GULP1: variants seen among roughly 807,000 people sequenced by gnomAD.
GULP1 encodes GULP PTB domain containing engulfment adaptor 1, also known as PTB domain-containing engulfment adapter protein 1.
A neutral mutation model predicts 40.9 loss-of-function variants in GULP1; 19 were observed. The observed-to-expected ratio is 0.46, with a 90% confidence interval of 0.32 to 0.68. GULP1 has a LOEUF of 0.68. Among genes scored for constraint, GULP1 ranks in the 30% least tolerant of loss-of-function variants. The probability of loss-of-function intolerance (pLI) is 0.03; values close to 1 mark genes in which losing one functional copy is unlikely to be tolerated. For missense variants in GULP1, 312 were observed against 362.2 expected (o/e 0.86, Z 1.12); for synonymous variants, 119 against 117.6 (o/e 1.01, Z -0.08).
At chr2:188,402,238 TG>T (rs1391065365) in intron 2 of GULP1, among the ~76,000 whole-genome samples, 1 of 152,148 alleles carries the variant, frequency 6.6e-6, no homozygotes, top group Non-Finnish European at 1.5e-5. Context: ...GAAAATCATT[TG>T]ATACTTATGT....
intron 1 of GULP1, among the ~76,000 whole-genome samples, chr2:188,376,595 G>A (rs1166041426): frequency 6.6e-6 from 1 of 151,950 alleles, no homozygotes; most frequent in African/African-American, 2.4e-5. Flanking sequence ...ACACCAAAAG[G>A]AAAATAAAAG....
chr2:188,352,563 CTT>C (rs1312964322), intron 1 of GULP1, among the ~76,000 whole-genome samples: 1 of 151,368 alleles, frequency 6.6e-6, no homozygotes, highest in African/African-American at 2.4e-5. Context: ...TTCTCTCTCT[CTT>C]TTTCTCTTTT....
chr2:188,507,947 C>G (rs994986247), intron 4 of GULP1, among the ~76,000 whole-genome samples: 12 of 151,732 alleles, frequency 7.9e-5, no homozygotes, highest in Non-Finnish European at 1.3e-4. Flanking sequence ...TGATATGCTG[C>G]AATATAGTTC....
At chr2:188,411,120 G>A (rs1215314953) in intron 2 of GULP1, among the ~76,000 whole-genome samples, 3 of 152,136 alleles carry the variant, frequency 2.0e-5, no homozygotes, top group Non-Finnish European at 4.4e-5. Context: ...TTCACTGGCT[G>A]ATCGGGGCAT....
At chr2:188,324,577 T>C (rs952684797) in intron 1 of GULP1, among the ~76,000 whole-genome samples, 12 of 151,954 alleles carry the variant, frequency 7.9e-5, no homozygotes, top group African/African-American at 2.9e-4. Context: ...ATTTAAACAA[T>C]TTAAATTGGT....
chr2:188,456,411 C>T (rs2059269633), intron 2 of GULP1, among the ~76,000 whole-genome samples: 1 of 152,126 alleles, frequency 6.6e-6, no homozygotes, highest in Non-Finnish European at 1.5e-5. Flanking sequence ...AGCCGCTCCG[C>T]CATCGCTGAA....
chr2:188,365,977 A>G (rs1173950394), intron 1 of GULP1, among the ~76,000 whole-genome samples: 3 of 152,208 alleles, frequency 2.0e-5, no homozygotes, highest in East Asian at 1.9e-4. Context: ...CCAGGGCCAG[A>G]TAAAATGATG....
intron 2 of GULP1, among the ~76,000 whole-genome samples, chr2:188,436,340 T>C (rs879750770): frequency 4.6e-5 from 7 of 152,076 alleles, no homozygotes; most frequent in Non-Finnish European, 8.8e-5. Context: ...TTTTGTATAT[T>C]AACACAATTT....
At chr2:188,311,236 G>C (rs2038044833) in intron 1 of GULP1, among the ~76,000 whole-genome samples, 1 of 151,550 alleles carries the variant, frequency 6.6e-6, no homozygotes, top group African/African-American at 2.4e-5. Context: ...TCGCTCTGTT[G>C]CACAGGCTGC....
chr2:188,405,438 A>T (rs1575046680), intron 2 of GULP1, among the ~76,000 whole-genome samples: 1 of 151,776 alleles, frequency 6.6e-6, no homozygotes, highest in Non-Finnish European at 1.5e-5. Context: ...AGCCCTATGG[A>T]CTGAGGCTCC....
chr2:188,489,021 A>G (rs1342893906), intron 4 of GULP1, among the ~76,000 whole-genome samples: 1 of 152,006 alleles, frequency 6.6e-6, no homozygotes, highest in African/African-American at 2.4e-5. Context: ...AAATAATTTT[A>G]CTAATGCTCT....
At chr2:188,573,221 A>G (rs1261722724) in intron 9 of GULP1, among the ~76,000 whole-genome samples, 2 of 152,082 alleles carry the variant, frequency 1.3e-5, no homozygotes, top group African/African-American at 2.4e-5. Context: ...TTTGCCTTTC[A>G]TTTCAAATTT....
chr2:188,303,440 T>G (rs576300067), intron 1 of GULP1, among the ~76,000 whole-genome samples: 2 of 152,252 alleles, frequency 1.3e-5, no homozygotes, highest in East Asian at 1.9e-4. Flanking sequence ...GCAGGTTTGC[T>G]GGGAATGAGG....
In GULP1 at chr2:188,292,509, T is replaced by C. The variant is rs2033986743; in HGVS notation, c.-172+343T>C. ...CCTCCTTAGCCTTTTGTGGTAACTT[T>C]GGTCCGGCGGCGGGGGGCCGGTGAG... On this transcript the variant is annotated intron_variant, in intron 1 of 11. Transcript: ENST00000409830. This position sits in a 1 kb window ranked among gnomAD's most constrained non-coding sequence, Gnocchi z 4.0. Among the ~76,000 whole-genome samples the C allele has an allele frequency of 6.6e-6, 1 of 152,046 alleles. No individual in the cohort carries two copies. Among genetic ancestry groups the C allele is most frequent in the Non-Finnish European group, 1.5e-5 (1 of 67,968 alleles).
At chr2:188,436,359 G>C (rs761377961) in intron 2 of GULP1, among the ~76,000 whole-genome samples, 2 of 152,022 alleles carry the variant, frequency 1.3e-5, no homozygotes, top group African/African-American at 4.8e-5. Flanking sequence ...TTAATAGGAA[G>C]TAATACAATA....
chr2:188,351,248 G>C (rs191270885), intron 1 of GULP1, among the ~76,000 whole-genome samples: 5 of 152,086 alleles, frequency 3.3e-5, no homozygotes, highest in Admixed American at 3.3e-4. Context: ...AAAAGATGAG[G>C]AGAGAACTTT....
chr2:188,437,800 C>A (rs2057548615), intron 2 of GULP1, among the ~76,000 whole-genome samples: 1 of 152,002 alleles, frequency 6.6e-6, no homozygotes, highest in Non-Finnish European at 1.5e-5. Context: ...GAGGCTGTTA[C>A]CCTTAGCAAG....
At chr2:188,301,059 A>G (rs945192454) in intron 1 of GULP1, among the ~76,000 whole-genome samples, 1 of 152,028 alleles carries the variant, frequency 6.6e-6, no homozygotes, top group Non-Finnish European at 1.5e-5. Context: ...CTGTCACCCA[A>G]CCCGGAGTGC....
chr2:188,400,529 C>T (rs957340422), intron 2 of GULP1, among the ~76,000 whole-genome samples: 29 of 152,052 alleles, frequency 1.9e-4, no homozygotes, highest in African/African-American at 6.5e-4. Flanking sequence ...GGTAAGGAAA[C>T]ATGTAAGGGA....
Sources: allele counts gnomAD v4.1 joint callset (sites outside exome capture counted in the v4.1 genomes callset), GRCh38; gene constraint gnomAD v4.1.1; non-coding constraint Gnocchi (gnomAD v3.1); transcripts MANE v1.5; gene names NCBI Gene and HGNC (gene_info 2026-07-23, HGNC 2026-07-21).